The following JARID2 variants were observed in gnomAD, a reference collection of about 807,000 sequenced individuals.
JARID2 encodes the protein jumonji and AT-rich interaction domain containing 2.
In JARID2, 21 loss-of-function variants were observed where a neutral mutation model predicts 125.6. The ratio of observed to expected loss-of-function variants is 0.17; its 90% CI spans 0.12 to 0.24. The LOEUF (loss-of-function observed/expected upper bound fraction) is 0.24. Among genes scored for constraint, JARID2 ranks in the 10% least tolerant of loss-of-function variants. The pLI is 1.00. For synonymous variants in JARID2, 736 were observed against 661.6 expected, an observed-to-expected ratio of 1.11 and a Z score of -1.73; for missense variants, 1,303 against 1,639.6, an observed-to-expected ratio of 0.79 and a Z score of 3.55.
At chr6:15,500,009 T>C (rs528776338) in intron 7 of JARID2, among the ~76,000 whole-genome samples, 2 of 152,356 alleles carry the variant, frequency 1.3e-5, no homozygotes, top group Non-Finnish European at 2.9e-5. Flanking sequence ...CCCCACACTC[T>C]AAAGATTTAA....
chr6:15,416,059 G>T (rs1355655689), intron 3 of JARID2, among the ~76,000 whole-genome samples: 1 of 151,820 alleles, frequency 6.6e-6, no homozygotes, highest in African/African-American at 2.4e-5. Context: ...GGGGCGGCGG[G>T]GCAGAGGCGC....
chr6:15,435,192 A>G (rs896091820), intron 3 of JARID2, among the ~76,000 whole-genome samples: 3 of 152,176 alleles, frequency 2.0e-5, no homozygotes, highest in African/African-American at 7.2e-5. Flanking sequence ...CTGAATGTGA[A>G]AAGTTGTTTG....
At chr6:15,309,175 A>G (rs1761932110) in intron 1 of JARID2, among the ~76,000 whole-genome samples, 1 of 152,180 alleles carries the variant, frequency 6.6e-6, no homozygotes, top group Non-Finnish European at 1.5e-5. Flanking sequence ...CCTCGGAAGG[A>G]ACTAAACATT....
intron 1 of JARID2, among the ~76,000 whole-genome samples, chr6:15,361,892 CTT>C (rs58352410): frequency 0.013 from 1,559 of 121,130 alleles, 30 homozygotes; most frequent in African/African-American, 0.037. Context: ...TGGGAGCCCC[CTT>C]TTTTTTTTTT....
At chr6:15,514,839 G>A (rs1771467561) in intron 16 of JARID2, among the ~76,000 whole-genome samples, 1 of 152,098 alleles carries the variant, frequency 6.6e-6, no homozygotes, top group Non-Finnish European at 1.5e-5. Flanking sequence ...TGCATTTGAT[G>A]GGGGACAAAT....
intron 4 of JARID2, among the ~76,000 whole-genome samples, chr6:15,465,068 C>T (rs2237135): frequency 0.66 from 100,746 of 152,004 alleles, 33,564 homozygotes; most frequent in Admixed American, 0.73. Context: ...TTCCCAGCAC[C>T]CAGCAGGTCA....
At chr6:15,483,388 G>GTTT (rs56938840) in intron 5 of JARID2, among the ~76,000 whole-genome samples, 3 of 148,652 alleles carry the variant, frequency 2.0e-5, no homozygotes, top group African/African-American at 2.5e-5. Context: ...GAAACTGGCT[G>GTTT]TTTTTTTTTT....
chr6:15,453,354 T>A (rs1768007156), intron 4 of JARID2, among the ~76,000 whole-genome samples: 1 of 152,256 alleles, frequency 6.6e-6, no homozygotes, highest in South Asian at 2.1e-4. Flanking sequence ...TTTTAGAATG[T>A]CCCTTAATTT....
chr6:15,411,353 G>T (rs1461058266), intron 3 of JARID2, among the ~76,000 whole-genome samples: 2 of 152,022 alleles, frequency 1.3e-5, no homozygotes, highest in Non-Finnish European at 2.9e-5. Flanking sequence ...CCTGTTTTCA[G>T]GACTGAAAGT....
chr6:15,413,283 G>A lies in JARID2; in HGVS notation c.323+2918G>A, dbSNP rs139668769. On this transcript the variant is annotated intron_variant, in intron 3 of 17. Transcript: ENST00000341776. ...CCACCTCGGCCTCCCAAAGTGTTGG[G>A]ATTACAGGTATGAGCCACTGTGCCC... is the stretch of plus-strand genomic sequence containing the variant. Among the ~76,000 whole-genome samples, 1,098 of 152,210 alleles carry A rather than the reference G, an allele frequency of 7.2e-3. 14 individuals carry two copies. Among genetic ancestry groups the A allele is most frequent in the African/African-American group, 0.025 (1,044 of 41,532 alleles).
intron 3 of JARID2, among the ~76,000 whole-genome samples, chr6:15,432,923 C>T (rs1366049525): frequency 6.6e-6 from 1 of 152,186 alleles, no homozygotes; most frequent in Non-Finnish European, 1.5e-5. Flanking sequence ...CACATGTAAG[C>T]GTGCATCAGA....
chr6:15,476,119 C>A (rs769884800), intron 5 of JARID2, among the ~76,000 whole-genome samples: 1 of 152,150 alleles, frequency 6.6e-6, no homozygotes, highest in Non-Finnish European at 1.5e-5. Context: ...AGAGGGATCA[C>A]CCCTGCTGAA....
Position 15,374,353 on chromosome 6 carries a change from T to C in JARID2, c.181+101T>C, listed in dbSNP as rs890325284. The C allele has an allele frequency of 3.9e-6, 5 of 1,280,150 alleles. No individual in the cohort carries two copies. In the Admixed American group the frequency reaches 9.2e-5, roughly 24 times the overall value. 79.3% of individuals were successfully genotyped at this position (1,280,150 alleles called of 1,614,324 possible). A position where few individuals can be genotyped will look rare whatever the true frequency, so the allele number is the denominator to read the frequency against. ...TTCTGGCAGCTTGTGCTTCCTGGTC[T>C]AGGCACCTAAAGGCAGTCTGTAGGC... is the stretch of plus-strand genomic sequence containing the variant. On this transcript the variant is annotated intron_variant, in intron 2 of 17. Transcript: ENST00000341776.
rs1379255980 is a variant in JARID2, at chr6:15,521,306, C to CT, written c.*1056dup. 2.0e-5 allele frequency: 3 copies of CT among 149,280 alleles called. No individual in the cohort carries two copies. The highest frequency in any genetic ancestry group is 3.0e-5 in the Non-Finnish European group (2 of 67,750). The allele number at this position is 149,280 out of a possible 1,614,324, so 9.2% of individuals were successfully genotyped here. ...GAAAATGCATTTGCGTTCATCTTGT[C>CT]TATTTTTTCTCTTCATGTTGTAACA... On this transcript the variant is annotated 3_prime_UTR_variant, in exon 18 of 18. Transcript: ENST00000341776.
rs35990127 is a variant in JARID2, at chr6:15,487,352, A to T, written c.716A>T (p.Gln239Leu). 1 of 1,614,092 alleles carries T rather than the reference A, an allele frequency of 6.2e-7. No homozygotes were observed. The highest frequency in any genetic ancestry group is 1.1e-5 in the South Asian group (1 of 91,088). ...SRSTREKEPV[Q>L]KHKSKEATPA... Reference sequence around the variant, plus strand: ...TCAACACGGGAGAAGGAACCTGTTCAAAAACACAAAAGCAAAGAGGCCACT... The same window carrying T: ...TCAACACGGGAGAAGGAACCTGTTCTAAAACACAAAAGCAAAGAGGCCACT... The change falls in exon 6 of 18, where the codon CAA becomes CTA. Residue 239 changes from glutamine (Q) to leucine (L), a missense_variant. By Grantham distance (113) the Gln-to-Leu change is moderately radical. Transcript: ENST00000341776.
rs1465440415 is a variant in JARID2, at chr6:15,246,165, C to T, written c.-375C>T. The T allele has an allele frequency of 9.4e-6, 4 of 425,250 alleles. No homozygotes were observed. The highest frequency in any genetic ancestry group is 1.6e-5 in the Non-Finnish European group (4 of 242,954). 26.3% of individuals were successfully genotyped at this position (425,250 alleles called of 1,614,324 possible). A position where few individuals can be genotyped will look rare whatever the true frequency, so the allele number is the denominator to read the frequency against. Reference sequence around the variant, plus strand: ...CCTTTTCTTTTCCAAGATGTAACTACGGATCAGACACTAAGGACCTTCACG... The same window carrying T: ...CCTTTTCTTTTCCAAGATGTAACTATGGATCAGACACTAAGGACCTTCACG... On this transcript the variant is annotated 5_prime_UTR_variant, in exon 1 of 18. It adds an upstream start codon to the 5' untranslated region. Transcript: ENST00000341776.
At chr6:15,282,704 C>T (rs1760803263) in intron 1 of JARID2, among the ~76,000 whole-genome samples, 1 of 151,832 alleles carries the variant, frequency 6.6e-6, no homozygotes, top group Admixed American at 6.6e-5. Flanking sequence ...TCCTGGGTTC[C>T]TATTCTCCTG....
intron 6 of JARID2, among the ~76,000 whole-genome samples, chr6:15,491,674 C>G (rs1770157925): frequency 6.6e-6 from 1 of 152,186 alleles, no homozygotes; most frequent in Non-Finnish European, 1.5e-5. Context: ...CCAAAAACAT[C>G]AGAGTCATTT....
intron 1 of JARID2, among the ~76,000 whole-genome samples, chr6:15,293,136 C>T (rs922720957): frequency 9.2e-5 from 14 of 152,182 alleles, no homozygotes; most frequent in African/African-American, 3.4e-4. Flanking sequence ...TGATCCAGTG[C>T]TTGACTTTGC....
Sources: gnomAD v4.1 joint callset for allele counts (sites outside exome capture counted in the v4.1 genomes callset) on GRCh38, gnomAD v4.1.1 for gene constraint, MANE v1.5 for transcripts, NCBI Gene and HGNC (gene_info 2026-07-23, HGNC 2026-07-21) for gene names.